Variants in GJB7 observed in about 807,000 individuals in gnomAD.
The protein encoded by GJB7 is gap junction protein beta 7.
For synonymous variants in GJB7, 87 were observed against 95.2 expected, an observed-to-expected ratio of 0.91 and a Z score of 0.50; for missense variants, 253 against 256.8, an observed-to-expected ratio of 0.99 and a Z score of 0.10.
intron 1 of GJB7, among the ~76,000 whole-genome samples, chr6:87,325,045 G>T (rs372442785): frequency 1.6e-3 from 245 of 152,136 alleles, no homozygotes; most frequent in African/African-American, 5.7e-3. Context: ...GTGAATGGGA[G>T]TTCACTCATG....
chr6:87,297,287 C>A (rs1041231060), intron 2 of GJB7, among the ~76,000 whole-genome samples: 2 of 152,298 alleles, frequency 1.3e-5, no homozygotes, highest in Admixed American at 1.3e-4. Flanking sequence ...ATCATACTAC[C>A]TCCCACTGTG....
chr6:87,290,776 G>A lies in GJB7; in HGVS notation c.-27-5837C>T, dbSNP rs531466393. 1.6e-4 allele frequency among the ~76,000 whole-genome samples: 25 copies of A among 152,272 alleles called. No individual in the cohort carries two copies. In the South Asian group the frequency reaches 4.6e-3, roughly 28 times the overall value. ...CCACGCCTAAATGTTTACTGTTGTC[G>A]ATGGCTGCTTTCATGCTAGAACTGC... On this transcript the variant is annotated intron_variant, in intron 2 of 2. Coordinates refer to ENST00000525899, the MANE Select transcript of GJB7 (RefSeq NM_198568.3).
chr6:87,327,475 G>T (rs1489751700), intron 1 of GJB7, among the ~76,000 whole-genome samples: 1 of 151,792 alleles, frequency 6.6e-6, no homozygotes, highest in Non-Finnish European at 1.5e-5. Context: ...CTCAGCATTT[G>T]CTTGTCTGTA....
intron 1 of GJB7, among the ~76,000 whole-genome samples, chr6:87,324,750 T>C (rs975619316): frequency 3.9e-5 from 6 of 152,252 alleles, no homozygotes; most frequent in Admixed American, 6.5e-5. Flanking sequence ...CTTGGCGATG[T>C]GGGCTCTTTT....
chr6:87,285,341 G>C (rs1427108301), intron 2 of GJB7, among the ~76,000 whole-genome samples: 3 of 152,188 alleles, frequency 2.0e-5, no homozygotes, highest in African/African-American at 7.2e-5. Context: ...TCACATACCA[G>C]ATTGTTGACG....
At chr6:87,322,458 G>C (rs190875016) in intron 2 of GJB7, 1 of 152,242 alleles carries the variant, frequency 6.6e-6, no homozygotes, top group Non-Finnish European at 1.5e-5. Context: ...CCTCAGAACC[G>C]GAAAGGCTAG....
At position 87,284,622 on chromosome 6, in the gene GJB7, A is replaced by G; in HGVS notation, c.291T>C (p.Tyr97=). The change falls in exon 3 of 3, where the codon TAT becomes TAC. Residue 97 remains tyrosine (Y), a synonymous_variant. Transcript: ENST00000525899. ...PSLLVVLHVA[Y]HEGREKRHRK... is the part of the protein sequence containing the mutation. ...TGTGCCTTTTCTCTCTACCCTCATG[A>G]TAGGCTACATGTAAAACCACCAGAA... 4 of 1,614,166 alleles carry G rather than the reference A, an allele frequency of 2.5e-6. No individual in the cohort carries two copies. Among genetic ancestry groups the G allele is most frequent in the Non-Finnish European group, 3.4e-6 (4 of 1,180,026 alleles).
chr6:87,290,099 A>G (rs1776141968), intron 2 of GJB7, among the ~76,000 whole-genome samples: 1 of 152,168 alleles, frequency 6.6e-6, no homozygotes, highest in Admixed American at 6.6e-5. Context: ...ATCTCATCCA[A>G]TGCTTACCTC....
In GJB7 at chr6:87,284,359, A is replaced by G; in HGVS notation, c.554T>C (p.Ile185Thr). ...EKTIFILFLV[I>T]TSCLCIVLNF... is the part of the protein sequence containing the mutation. ...CAACACAATACACAAGCATGAGGTG[A>G]TGACCAAGAAGAGGATGAAGATCGT... Residue 185 changes from isoleucine (I) to threonine (T), a missense_variant, in exon 3 of 3, where the codon ATC (isoleucine) becomes ACC (threonine). Transcript: ENST00000525899. 6.2e-7 allele frequency: 1 copy of G among 1,614,172 alleles called. No individual in the cohort carries two copies.
intron 2 of GJB7, among the ~76,000 whole-genome samples, chr6:87,308,745 T>C (rs924673093): frequency 6.6e-6 from 1 of 152,022 alleles, no homozygotes; most frequent in African/African-American, 2.4e-5. Context: ...GAAAACTTAC[T>C]GAGGCATATC....
At position 87,311,964 on chromosome 6, in the gene GJB7, G is replaced by A. The variant is rs955377342; in HGVS notation, c.-28+10902C>T. 1.3e-3 allele frequency among the ~76,000 whole-genome samples: 203 copies of A among 152,144 alleles called. 1 individual carries two copies. The highest frequency in any genetic ancestry group is 4.6e-3 in the African/African-American group (189 of 41,520). ...AATAAATGCATCAGTATGAAGAATT[G>A]TAAAGCCTAAAACTAAAAAAGAACT... On this transcript the variant is annotated intron_variant, in intron 2 of 2. Transcript: ENST00000525899.
At chr6:87,293,863 G>C (rs1334593121) in intron 2 of GJB7, among the ~76,000 whole-genome samples, 2 of 152,210 alleles carry the variant, frequency 1.3e-5, no homozygotes, top group African/African-American at 4.8e-5. Context: ...GTATCTTGCA[G>C]TATCTCACAC....
chr6:87,314,836 A>C (rs575266689), intron 2 of GJB7, among the ~76,000 whole-genome samples: 1 of 152,258 alleles, frequency 6.6e-6, no homozygotes, highest in Non-Finnish European at 1.5e-5. Context: ...TGGAGCTTGC[A>C]TGGAGCTCCA....
chr6:87,305,714 G>A (rs918976592), intron 2 of GJB7, among the ~76,000 whole-genome samples: 14 of 152,168 alleles, frequency 9.2e-5, no homozygotes, highest in Non-Finnish European at 1.8e-4. Flanking sequence ...AGCCAGCATT[G>A]CCAAGTCAAT....
intron 2 of GJB7, among the ~76,000 whole-genome samples, chr6:87,318,090 A>T (rs940969348): frequency 6.6e-6 from 1 of 151,152 alleles, no homozygotes; most frequent in Non-Finnish European, 1.5e-5. Flanking sequence ...ATGAATTGTG[A>T]TCCTCTAATA....
Position 87,282,993 on chromosome 6 carries a change from C to T in GJB7, c.*1248G>A, listed in dbSNP as rs975663043. 1 of 152,044 alleles carries T rather than the reference C, an allele frequency of 6.6e-6. No homozygotes were observed. Among genetic ancestry groups the T allele is most frequent in the Non-Finnish European group, 1.5e-5 (1 of 67,982 alleles). The allele number at this position is 152,044 out of a possible 1,614,324, so 9.4% of individuals were successfully genotyped here. On this transcript the variant is annotated 3_prime_UTR_variant, in exon 3 of 3. Transcript: ENST00000525899. The stretch of plus-strand genomic sequence containing the variant: ...ACAGCCAAAGAGCATTGTGAAATAC[C>T]CTTATTTTTATTCTGAAGAAATGTA...
At chr6:87,325,125 A>G (rs1340134392) in intron 1 of GJB7, among the ~76,000 whole-genome samples, 1 of 152,182 alleles carries the variant, frequency 6.6e-6, no homozygotes, top group Non-Finnish European at 1.5e-5. Flanking sequence ...TTGTATCCTG[A>G]GACTTTGCTG....
chr6:87,284,528 T>C lies in GJB7; in HGVS notation c.385A>G (p.Ile129Val), dbSNP rs770782128. ...GLWYAYLISL[I>V]VKTGFEIGFL... ...CCAATTTCAAAACCAGTTTTAACAATGAGGCTGATAAGATAAGCGTACCAT... is the reference window on the plus strand; with the variant it reads ...CCAATTTCAAAACCAGTTTTAACAACGAGGCTGATAAGATAAGCGTACCAT... The change falls in exon 3 of 3, where the codon ATT (isoleucine) becomes GTT (valine). Residue 129 changes from isoleucine (I) to valine (V), a missense_variant. By Grantham distance (29) the Ile-to-Val change is conservative. Coordinates refer to ENST00000525899, the MANE Select transcript of GJB7 (RefSeq NM_198568.3). The C allele has an allele frequency of 6.2e-7, 1 of 1,614,074 alleles. No homozygotes were observed.
intron 1 of GJB7, among the ~76,000 whole-genome samples, chr6:87,324,614 A>G (rs370867143): frequency 2.7e-5 from 4 of 149,118 alleles, no homozygotes; most frequent in South Asian, 2.2e-4. Flanking sequence ...GCTCTGTTCT[A>G]TTCCATTGAT....
Sources: gnomAD v4.1 joint callset for allele counts (sites outside exome capture counted in the v4.1 genomes callset) on GRCh38, gnomAD v4.1.1 for gene constraint, MANE v1.5 for transcripts, NCBI Gene and HGNC (gene_info 2026-07-23, HGNC 2026-07-21) for gene names.